Variants in CHAF1A observed in about 807,000 individuals in gnomAD.
CHAF1A encodes CAF-1 subunit A.
Under a neutral mutation model 93.2 loss-of-function variants are expected in CHAF1A, and 5 were observed. The observed-to-expected ratio is 0.05, with a 90% CI of 0.03 to 0.11. CHAF1A has a LOEUF of 0.11. Ranked by LOEUF, CHAF1A falls within the 10% of genes least tolerant of loss-of-function variation. The probability of loss-of-function intolerance (pLI) is 1.00; values close to 1 mark genes in which losing one functional copy is unlikely to be tolerated. For synonymous variants in CHAF1A, 504 were observed against 510.3 expected (o/e 0.99, Z 0.17); for missense variants, 1,102 against 1,259.9 (o/e 0.87, Z 1.90).
chr19:4,408,652 T>G (rs1973730759), intron 2 of CHAF1A, among the ~76,000 whole-genome samples: 1 of 151,370 alleles, frequency 6.6e-6, no homozygotes, highest in Non-Finnish European at 1.5e-5. Context: ...TTTTTGTAGT[T>G]TTAGAAAAGA....
intron 3 of CHAF1A, among the ~76,000 whole-genome samples, chr19:4,416,122 C>T (rs1480619330): frequency 6.6e-6 from 1 of 151,916 alleles, no homozygotes; most frequent in African/African-American, 2.4e-5. Context: ...TGCAGTGATC[C>T]GAGATGGCGC....
At chr19:4,447,528 G>A (rs200183933), downstream of CHAF1A, 245 of 1,611,354 alleles carry the variant, frequency 1.5e-4, 3 homozygotes, top group African/African-American at 2.4e-3. Flanking sequence ...CCTGGGCCCC[G>A]GGGGCCAGAA....
intron 2 of CHAF1A, among the ~76,000 whole-genome samples, chr19:4,406,941 C>T (rs1465008175): frequency 2.0e-5 from 3 of 151,954 alleles, no homozygotes; most frequent in Non-Finnish European, 4.4e-5. Flanking sequence ...AAAAGGGGGA[C>T]GCCAGATGCT....
chr19:4,412,651 T>A (rs1246018575), intron 3 of CHAF1A, among the ~76,000 whole-genome samples: 1 of 152,196 alleles, frequency 6.6e-6, no homozygotes. Context: ...GGCATCATGG[T>A]GGCACAATCC....
intron 7 of CHAF1A, among the ~76,000 whole-genome samples, chr19:4,424,840 G>A (rs1974052201): frequency 6.6e-6 from 1 of 152,162 alleles, no homozygotes; most frequent in Admixed American, 6.5e-5. Flanking sequence ...TTACCATGTT[G>A]GCTAGGCTGG....
In CHAF1A at chr19:4,432,870, G is replaced by A. The variant is rs539770411; in HGVS notation, c.2204-200G>A. On this transcript the variant is annotated intron_variant, in intron 12 of 14. Coordinates refer to ENST00000301280, the MANE Select transcript of CHAF1A (RefSeq NM_005483.3). The stretch of plus-strand genomic sequence containing the variant: ...TTTGAAGTCAGCCCTGGCAACACAC[G>A]TGCCCGGCCAAGGCTCACTTCTGGG... 2.6e-5 allele frequency among the ~76,000 whole-genome samples: 4 copies of A among 152,184 alleles called. No homozygotes were observed. In the South Asian group the frequency reaches 6.2e-4, roughly 24 times the overall value.
intron 3 of CHAF1A, among the ~76,000 whole-genome samples, chr19:4,417,457 C>CGTTTT: frequency 1.9e-5 from 2 of 103,102 alleles, no homozygotes; most frequent in Admixed American, 1.1e-4. Context: ...CCAGCTGTCG[C>CGTTTT]TTTTTTTTTT....
In CHAF1A at chr19:4,422,859, T is replaced by G. The variant is rs766611051; in HGVS notation, c.1247+64T>G. On this transcript the variant is annotated intron_variant, in intron 5 of 14. Coordinates refer to ENST00000301280, the MANE Select transcript of CHAF1A (RefSeq NM_005483.3). The surrounding 1 kb of genome is among the most constrained non-coding windows in gnomAD (Gnocchi z 4.6). Reference sequence around the variant, plus strand: ...GCTGCTGGATTCCGCTCCTGGCCACTCTGATGGGGCCTTTCCACTTCACAG... The same window carrying G: ...GCTGCTGGATTCCGCTCCTGGCCACGCTGATGGGGCCTTTCCACTTCACAG... 239 of 1,457,718 alleles carry G rather than the reference T, an allele frequency of 1.6e-4. No homozygotes were observed. The highest frequency in any genetic ancestry group is 2.2e-4 in the Non-Finnish European group (235 of 1,048,874). The allele number at this position is 1,457,718 out of a possible 1,614,324, so 90.3% of individuals were successfully genotyped here.
chr19:4,429,551 C>A lies in CHAF1A; in HGVS notation c.1718C>A (p.Thr573Asn). 2 of 1,614,006 alleles carry A rather than the reference C, an allele frequency of 1.2e-6. No homozygotes were observed. Among genetic ancestry groups the A allele is most frequent in the Admixed American group, 3.3e-5 (2 of 60,000 alleles). The part of the protein sequence containing the change: ...CENHRPAYWG[T>N]WNKKTALIRA... Reference sequence around the variant, plus strand: ...AACCACCGGCCTGCCTACTGGGGTACCTGGAATAAGAAGACGGCACTCATC... The same window carrying A: ...AACCACCGGCCTGCCTACTGGGGTAACTGGAATAAGAAGACGGCACTCATC... The change falls in exon 9 of 15, where the codon ACC (threonine) becomes AAC (asparagine). Residue 573 changes from threonine (T) to asparagine (N), a missense_variant. Physicochemically the swap from Thr to Asn is moderately conservative, Grantham distance 65. Around this residue, in one of 6 missense-constraint regions of CHAF1A, gnomAD observed 335 missense variants for 361.9 expected, o/e 0.93. Transcript: ENST00000301280.
chr19:4,408,232 G>A (rs1167994035), intron 2 of CHAF1A, among the ~76,000 whole-genome samples: 1 of 145,086 alleles, frequency 6.9e-6, no homozygotes, highest in Non-Finnish European at 1.5e-5. Context: ...CGCTCAGGTC[G>A]CCCAGGCTGG....
rs1487324166 is a variant in CHAF1A, at chr19:4,443,123, T to C, written c.*98T>C. ...CTGTGTAAAGAGCACTTTGTCCTGC[T>C]TCACGGACCTCCCCAAAGTGTGCAG... On this transcript the variant is annotated 3_prime_UTR_variant, in exon 15 of 15. Coordinates refer to ENST00000301280, the MANE Select transcript of CHAF1A (RefSeq NM_005483.3). 2.5e-6 allele frequency: 2 copies of C among 800,970 alleles called. No individual in the cohort carries two copies. Among genetic ancestry groups the C allele is most frequent in the East Asian group, 2.7e-5 (1 of 37,506 alleles). The allele number at this position is 800,970 out of a possible 1,614,324, so 49.6% of individuals were successfully genotyped here.
chr19:4,419,970 C>T lies in CHAF1A; in HGVS notation c.1017+1894C>T, dbSNP rs1443282606. ...TTGTTCAGTCCAGACGGTCACCTTCCTCGTGTGTCTCGTATATCAGATGCA... is the reference window on the plus strand; with the variant it reads ...TTGTTCAGTCCAGACGGTCACCTTCTTCGTGTGTCTCGTATATCAGATGCA... On this transcript the variant is annotated intron_variant, in intron 4 of 14. Coordinates refer to ENST00000301280, the MANE Select transcript of CHAF1A (RefSeq NM_005483.3). Among the ~76,000 whole-genome samples, 64 of 152,264 alleles carry T rather than the reference C, an allele frequency of 4.2e-4. 2 individuals carry two copies. The highest frequency in any genetic ancestry group is 8.8e-5 in the Non-Finnish European group (6 of 68,034).
chr19:4,447,363 G>A, downstream of CHAF1A: 1 of 620,618 alleles, frequency 1.6e-6, no homozygotes, highest in Non-Finnish European at 2.9e-6. Flanking sequence ...GGGGTGACCG[G>A]TGCATAAAAG....
In CHAF1A at chr19:4,431,932, T is replaced by A; in HGVS notation, c.1948-20T>A. The A allele has an allele frequency of 6.3e-7, 1 of 1,582,944 alleles. No homozygotes were observed. The highest frequency in any genetic ancestry group is 8.6e-7 in the Non-Finnish European group (1 of 1,159,380). On this transcript the variant is annotated intron_variant, in intron 11 of 14. Transcript: ENST00000301280. ...GGGGAGCAAGAACCCCAAATAAACT[T>A]CTGCTTTCTAAACCACAAGGAGTGT...
chr19:4,413,359 C>T (rs956969830), intron 3 of CHAF1A, among the ~76,000 whole-genome samples: 20 of 152,096 alleles, frequency 1.3e-4, no homozygotes, highest in Admixed American at 2.6e-4. Flanking sequence ...TGTGAGCCAC[C>T]GCGCCTGGCC....
At chr19:4,426,185 T>G (rs1599652319) in intron 7 of CHAF1A, among the ~76,000 whole-genome samples, 1 of 109,694 alleles carries the variant, frequency 9.1e-6, no homozygotes, top group Non-Finnish European at 1.9e-5. Flanking sequence ...TTTTTTTTTT[T>G]GAGACACAGT....
At chr19:4,430,234 G>C (rs892051020) in intron 10 of CHAF1A, 1 of 361,238 alleles carries the variant, frequency 2.8e-6, no homozygotes, top group African/African-American at 2.1e-5. Flanking sequence ...CTGGAGTGCA[G>C]TGGCGCGATT....
chr19:4,448,265 G>T, downstream of CHAF1A: 1 of 1,478,624 alleles, frequency 6.8e-7, no homozygotes, highest in Non-Finnish European at 9.2e-7. Flanking sequence ...CAGTGGGAGG[G>T]GTGCTGGGAT....
At chr19:4,431,615 C>T (rs547663011) in intron 11 of CHAF1A, among the ~76,000 whole-genome samples, 1 of 152,132 alleles carries the variant, frequency 6.6e-6, no homozygotes, top group East Asian at 1.9e-4. Context: ...ATGTGTCTGC[C>T]AGATGCCTGG....
Sources: allele counts gnomAD v4.1 joint callset (sites outside exome capture counted in the v4.1 genomes callset), GRCh38; gene constraint gnomAD v4.1.1; regional missense constraint gnomAD v4.1.1; non-coding constraint Gnocchi (gnomAD v3.1); transcripts MANE v1.5; gene names NCBI Gene and HGNC (gene_info 2026-07-23, HGNC 2026-07-21).